Variants in BACH2 observed in about 807,000 individuals in gnomAD.
BACH2 encodes the protein transcription regulator protein BACH2.
In BACH2, 5 loss-of-function variants were observed where a neutral mutation model predicts 61.8. That is an observed-to-expected ratio of 0.08 (90% confidence interval 0.04 to 0.17). The LOEUF is 0.17. Among genes scored for constraint, BACH2 ranks in the 10% least tolerant of loss-of-function variants. The pLI is 1.00. For missense variants in BACH2, 824 were observed against 1,091.1 expected (o/e 0.76, Z 3.45); for synonymous variants, 446 against 440.1 (o/e 1.01, Z -0.17).
chr6:90,259,466 G>C (rs1213972707), intron 2 of BACH2, among the ~76,000 whole-genome samples: 2 of 152,082 alleles, frequency 1.3e-5, no homozygotes, highest in Non-Finnish European at 2.9e-5. Flanking sequence ...TGTTGGATTT[G>C]GTTTCCTAAT....
intron 3 of BACH2, among the ~76,000 whole-genome samples, chr6:90,232,142 G>C (rs756776825): frequency 2.0e-5 from 3 of 152,212 alleles, no homozygotes; most frequent in Non-Finnish European, 4.4e-5. Flanking sequence ...AAAACACTTT[G>C]TTTTAATCAG....
intron 2 of BACH2, among the ~76,000 whole-genome samples, chr6:90,261,587 C>T (rs1771159073): frequency 6.6e-6 from 1 of 152,116 alleles, no homozygotes; most frequent in African/African-American, 2.4e-5. Context: ...CTCCCTCCTT[C>T]TGCAGATTCC....
At chr6:90,212,377 A>AAT (rs1457572671) in intron 3 of BACH2, among the ~76,000 whole-genome samples, 2 of 152,134 alleles carry the variant, frequency 1.3e-5, no homozygotes, top group Non-Finnish European at 2.9e-5. Flanking sequence ...AAGAGGCAAG[A>AAT]GGAACAGAGT....
Position 89,932,264 on chromosome 6 carries a change from G to C in BACH2, c.*144C>G. 7.4e-6 allele frequency: 8 copies of C among 1,079,216 alleles called. No individual in the cohort carries two copies. The highest frequency in any genetic ancestry group is 1.1e-5 in the Non-Finnish European group (8 of 747,716). The allele number at this position is 1,079,216 out of a possible 1,614,324, so 66.9% of individuals were successfully genotyped here. A position where few individuals can be genotyped will look rare whatever the true frequency, so the allele number is the denominator to read the frequency against. On this transcript the variant is annotated 3_prime_UTR_variant, in exon 9 of 9. Coordinates refer to ENST00000257749, the MANE Select transcript of BACH2 (RefSeq NM_021813.4). Reference sequence around the variant, plus strand: ...GCTCGAGAAGAGGAGAGGATACTTCGGAACAGTATTGCTGCTAAGACCGCT... The same window carrying C: ...GCTCGAGAAGAGGAGAGGATACTTCCGAACAGTATTGCTGCTAAGACCGCT...
chr6:90,065,950 A>G (rs1052833638), intron 5 of BACH2, among the ~76,000 whole-genome samples: 1 of 152,210 alleles, frequency 6.6e-6, no homozygotes. Flanking sequence ...CAGTTTGGAC[A>G]CACAAAAAAC....
At chr6:90,156,762 A>G (rs1785007884) in intron 4 of BACH2, among the ~76,000 whole-genome samples, 1 of 152,196 alleles carries the variant, frequency 6.6e-6, no homozygotes, top group Admixed American at 6.5e-5. Flanking sequence ...AACAACAACA[A>G]CAAAAATGCT....
intron 4 of BACH2, among the ~76,000 whole-genome samples, chr6:90,172,453 T>G (rs925318516): frequency 6.6e-6 from 1 of 152,056 alleles, no homozygotes; most frequent in African/African-American, 2.4e-5. Context: ...TCTGAGATTT[T>G]TCAGAACTAG....
chr6:90,009,243 C>G (rs150846859), intron 5 of BACH2, among the ~76,000 whole-genome samples: 1 of 152,154 alleles, frequency 6.6e-6, no homozygotes, highest in East Asian at 1.9e-4. Context: ...TATGCAAGGA[C>G]TAACTTAGAT....
intron 4 of BACH2, among the ~76,000 whole-genome samples, chr6:90,103,044 TTTTTTTTA>T (rs1269457136): frequency 1.1e-4 from 15 of 133,290 alleles, no homozygotes; most frequent in African/African-American, 4.4e-4. Context: ...TTTTTTTTTT[TTTTTTTTA>T]CCAGACTATA....
chr6:90,206,293 T>C (rs1272077786), intron 4 of BACH2, among the ~76,000 whole-genome samples: 1 of 152,108 alleles, frequency 6.6e-6, no homozygotes, highest in Non-Finnish European at 1.5e-5. Context: ...AGTCTCAATA[T>C]TCCAATATTC....
intron 5 of BACH2, among the ~76,000 whole-genome samples, chr6:90,013,655 C>T (rs111876278): frequency 0.12 from 18,456 of 151,590 alleles, 1,142 homozygotes; most frequent in Middle Eastern, 0.23. Flanking sequence ...TACAGGTGCC[C>T]GCCACCATGC....
chr6:90,138,007 C>A (rs1483494459), intron 4 of BACH2, among the ~76,000 whole-genome samples: 1 of 151,906 alleles, frequency 6.6e-6, no homozygotes, highest in Non-Finnish European at 1.5e-5. Flanking sequence ...TTCGCAGATT[C>A]TCCCAGCCCT....
chr6:89,972,151 G>A (rs751417856), intron 6 of BACH2, among the ~76,000 whole-genome samples: 21 of 152,202 alleles, frequency 1.4e-4, no homozygotes, highest in Admixed American at 1.4e-3. Flanking sequence ...GGAGAAGGGA[G>A]CAAGGGGACG....
chr6:89,949,948 G>A (rs1034198899), intron 7 of BACH2, among the ~76,000 whole-genome samples: 1 of 152,056 alleles, frequency 6.6e-6, no homozygotes, highest in East Asian at 1.9e-4. Flanking sequence ...AGGAGGGGGA[G>A]AGAGGGAGGA....
chr6:89,984,987 C>T (rs1174195749), intron 6 of BACH2, among the ~76,000 whole-genome samples: 1 of 152,148 alleles, frequency 6.6e-6, no homozygotes, highest in Non-Finnish European at 1.5e-5. Flanking sequence ...CACTGGGAAC[C>T]CAAACAATTA....
At chr6:90,226,340 G>A (rs747494244) in intron 3 of BACH2, among the ~76,000 whole-genome samples, 9 of 152,178 alleles carry the variant, frequency 5.9e-5, no homozygotes, top group Non-Finnish European at 1.3e-4. Context: ...GAGACTCCCT[G>A]ACTGCTCAAC....
intron 4 of BACH2, among the ~76,000 whole-genome samples, chr6:90,129,192 C>T (rs544822454): frequency 6.6e-6 from 1 of 152,130 alleles, no homozygotes; most frequent in Non-Finnish European, 1.5e-5. Flanking sequence ...ACGTTGCGCA[C>T]ATGTACCCTA....
chr6:90,275,234 A>G (rs987777129), intron 1 of BACH2, among the ~76,000 whole-genome samples: 2 of 152,228 alleles, frequency 1.3e-5, no homozygotes, highest in Non-Finnish European at 2.9e-5. Context: ...GCTTTGTTCT[A>G]CTTGAACAAT....
At chr6:89,963,453 C>T (rs1220610562) in intron 6 of BACH2, among the ~76,000 whole-genome samples, 1 of 151,970 alleles carries the variant, frequency 6.6e-6, no homozygotes, top group Admixed American at 6.6e-5. Context: ...ACCGTCATGC[C>T]CGGTTAATTT....
Sources: allele counts gnomAD v4.1 joint callset (sites outside exome capture counted in the v4.1 genomes callset), GRCh38; gene constraint gnomAD v4.1.1; transcripts MANE v1.5; gene names NCBI Gene and HGNC (gene_info 2026-07-23, HGNC 2026-07-21).